SLITRK3: variants seen among roughly 807,000 people sequenced by gnomAD.
SLITRK3 encodes the protein SLIT and NTRK-like protein 3.
In SLITRK3, 16 loss-of-function variants were observed where a neutral mutation model predicts 63.6. The observed-to-expected ratio is 0.25, with a 90% CI of 0.17 to 0.38. The LOEUF (loss-of-function observed/expected upper bound fraction) is 0.38. Among genes scored for constraint, SLITRK3 ranks in the 10% least tolerant of loss-of-function variants. SLITRK3 has a pLI of 1.00. For missense variants in SLITRK3, 1,117 were observed against 1,181.4 expected, an observed-to-expected ratio of 0.95 and a Z score of 0.80; for synonymous variants, 547 against 451.6, an observed-to-expected ratio of 1.21 and a Z score of -2.68.
upstream of SLITRK3, chr3:165,196,897 G>GTCTCTCTCCCTCTCTCTCTCTC (rs71147105): frequency 1.1e-4 from 11 of 96,528 alleles, no homozygotes; most frequent in South Asian, 4.5e-4. Flanking sequence ...CTCTCTCTCT[G>GTCTCTCTCCCTCTCTCTCTCTC]TCTCTCTCTC....
Position 165,187,364 on chromosome 3 carries a change from C to G in SLITRK3, c.*533G>C, listed in dbSNP as rs369603972. ...AACATTCGAGCAAGACCCGCCCCCT[C>G]CCTCCCCATCTTGCAGTTTCCAGGC... On this transcript the variant is annotated 3_prime_UTR_variant, in exon 2 of 2. Transcript: ENST00000475390. 3 of 151,614 alleles carry G rather than the reference C, an allele frequency of 2.0e-5. No homozygotes were observed. The highest frequency in any genetic ancestry group is 7.3e-5 in the African/African-American group (3 of 41,038). The allele number at this position is 151,614 out of a possible 1,614,324, so 9.4% of individuals were successfully genotyped here.
Position 165,186,803 on chromosome 3 carries a change from T to G in SLITRK3, c.*1094A>C, listed in dbSNP as rs1717970296. 1 of 152,612 alleles carries G rather than the reference T, an allele frequency of 6.6e-6. No homozygotes were observed. The highest frequency in any genetic ancestry group is 2.1e-4 in the South Asian group (1 of 4,832). 9.5% of individuals were successfully genotyped at this position (152,612 alleles called of 1,614,324 possible). On this transcript the variant is annotated 3_prime_UTR_variant, in exon 2 of 2. Coordinates refer to ENST00000475390, the MANE Select transcript of SLITRK3 (RefSeq NM_001318810.2). ...AATGATTAAACATTACCTTTACAAT[T>G]TATAATCACTGAAATTACAGAATAA...
rs1560054510 is a variant in SLITRK3, at chr3:165,190,211, C to T, written c.620G>A (p.Arg207Lys). Reference sequence around the variant, plus strand: ...TCCTCGGTAAAAAAGAACCTTTAACCTATTTCCACGTAGGTCCAAATGGGT... The same window carrying T: ...TCCTCGGTAAAAAAGAACCTTTAACTTATTTCCACGTAGGTCCAAATGGGT... ...SLTHLDLRGN[R>K]LKVLFYRGML... The change falls in exon 2 of 2, where the codon AGG becomes AAG. Residue 207 changes from arginine to lysine, a missense_variant. Physicochemically the swap from Arg to Lys is conservative, Grantham distance 26 (BLOSUM62 2). Transcript: ENST00000475390. 1 of 1,614,194 alleles carries T rather than the reference C, an allele frequency of 6.2e-7. No individual in the cohort carries two copies. Among genetic ancestry groups the T allele is most frequent in the Non-Finnish European group, 8.5e-7 (1 of 1,180,028 alleles).
chr3:165,191,478 A>C (rs975185486), intron 1 of SLITRK3, among the ~76,000 whole-genome samples: 1 of 152,242 alleles, frequency 6.6e-6, no homozygotes, highest in Admixed American at 6.5e-5. Flanking sequence ...ATGCTTTATT[A>C]CAGTGTATAG....
rs1053615022 is a variant in SLITRK3, at chr3:165,187,396, C to T, written c.*501G>A. 1 of 151,060 alleles carries T rather than the reference C, an allele frequency of 6.6e-6. No individual in the cohort carries two copies. The highest frequency in any genetic ancestry group is 1.5e-5 in the Non-Finnish European group (1 of 67,828). 9.4% of individuals were successfully genotyped at this position (151,060 alleles called of 1,614,324 possible). Reference sequence around the variant, plus strand: ...CATCTTGCAGTTTCCAGGCATGCAGCAAACTGCATTGTTAATACATGTACA... The same window carrying T: ...CATCTTGCAGTTTCCAGGCATGCAGTAAACTGCATTGTTAATACATGTACA... On this transcript the variant is annotated 3_prime_UTR_variant, in exon 2 of 2. Coordinates refer to ENST00000475390, the MANE Select transcript of SLITRK3 (RefSeq NM_001318810.2).
chr3:165,188,809 G>A lies in SLITRK3; in HGVS notation c.2022C>T (p.Leu674=). 6.2e-7 allele frequency: 1 copy of A among 1,614,170 alleles called. No homozygotes were observed. The highest frequency in any genetic ancestry group is 2.2e-5 in the East Asian group (1 of 44,862). Residue 674 remains leucine, a synonymous_variant, in exon 2 of 2, where the codon CTC becomes CTT. Transcript: ENST00000475390. ...FFSAVFVAAG[L]FAYVLRRRRK... ...GACGCCTTCGGAGCACGTAGGCAAA[G>A]AGGCCTGCAGCAACAAAGACTGCTG...
chr3:165,191,938 A>T (rs946039611), intron 1 of SLITRK3, among the ~76,000 whole-genome samples: 1 of 152,232 alleles, frequency 6.6e-6, no homozygotes, highest in South Asian at 2.1e-4. Context: ...CACTATTCTG[A>T]TAACAGTCTT....
intron 1 of SLITRK3, among the ~76,000 whole-genome samples, chr3:165,194,714 A>T (rs1022534354): frequency 6.6e-6 from 1 of 152,112 alleles, no homozygotes; most frequent in African/African-American, 2.4e-5. Flanking sequence ...GATGGAATCG[A>T]TGGGTAACCC....
intron 1 of SLITRK3, among the ~76,000 whole-genome samples, chr3:165,194,679 C>T (rs1204631376): frequency 1.3e-5 from 2 of 151,190 alleles, no homozygotes; most frequent in Non-Finnish European, 3.0e-5. Context: ...GACTATTTAT[C>T]GGGTGTTATC....
In SLITRK3 at chr3:165,187,896, G is replaced by T. The variant is rs1236794560; in HGVS notation, c.*1C>A. 4 of 1,595,558 alleles carry T rather than the reference G, an allele frequency of 2.5e-6. No individual in the cohort carries two copies. The highest frequency in any genetic ancestry group is 8.5e-7 in the Non-Finnish European group (1 of 1,171,866). ...AGCACTAATATATTTTCTTCTCTCTGTTAGAACCTGTATGTTGTCTTCTCC... is the reference window on the plus strand; with the variant it reads ...AGCACTAATATATTTTCTTCTCTCTTTTAGAACCTGTATGTTGTCTTCTCC... On this transcript the variant is annotated 3_prime_UTR_variant, in exon 2 of 2. Coordinates refer to ENST00000475390, the MANE Select transcript of SLITRK3 (RefSeq NM_001318810.2).
intron 1 of SLITRK3, among the ~76,000 whole-genome samples, chr3:165,194,525 T>TA (rs1315546007): frequency 6.6e-6 from 1 of 152,122 alleles, no homozygotes; most frequent in African/African-American, 2.4e-5. Flanking sequence ...ATTGCTCCCA[T>TA]AGGTCTTAGC....
At position 165,188,671 on chromosome 3, in the gene SLITRK3, C is replaced by A. The variant is rs777446974; in HGVS notation, c.2160G>T (p.Gly720=). 2 of 1,613,908 alleles carry A rather than the reference C, an allele frequency of 1.2e-6. No homozygotes were observed. Among genetic ancestry groups the A allele is most frequent in the Non-Finnish European group, 1.7e-6 (2 of 1,180,000 alleles). The change falls in exon 2 of 2, where the codon GGG becomes GGT. Residue 720 remains glycine (G), a synonymous_variant. Coordinates refer to ENST00000475390, the MANE Select transcript of SLITRK3 (RefSeq NM_001318810.2). ...AGGAAAGAGTTGGTCGACCACCACC[C>A]CCACTTCCGCCACCACCACCTCCAC... ...EDGGGGGGGS[G]GGGRPTLSSP... is the part of the protein sequence containing the mutation.
Position 165,189,306 on chromosome 3 carries a change from G to A in SLITRK3, c.1525C>T (p.Leu509=), listed in dbSNP as rs774329745. 6.8e-6 allele frequency: 11 copies of A among 1,614,086 alleles called. No individual in the cohort carries two copies. Among genetic ancestry groups the A allele is most frequent in the African/African-American group, 5.3e-5 (4 of 74,938 alleles). ...AFSLMPNLKL[L]FLNNNLLRTL... is the part of the protein sequence containing the mutation. ...CTCAGTAAGTTATTATTGAGGAATA[G>A]CAGCTTCAAGTTGGGCATGAGGCTG... is the stretch of plus-strand genomic sequence containing the variant. The change falls in exon 2 of 2, where the codon CTA becomes TTA. Residue 509 remains leucine, a synonymous_variant. Coordinates refer to ENST00000475390, the MANE Select transcript of SLITRK3 (RefSeq NM_001318810.2). This position sits in a 1 kb window ranked among gnomAD's most constrained non-coding sequence, Gnocchi z 4.0.
Position 165,189,974 on chromosome 3 carries a change from T to G in SLITRK3, c.857A>C (p.Asp286Ala). Residue 286 changes from aspartate to alanine, a missense_variant, in exon 2 of 2, where the codon GAC (aspartate) becomes GCC (alanine). Asp to Ala is a moderately radical substitution (Grantham distance 126). Around this residue, in one of 4 missense-constraint regions of SLITRK3, gnomAD observed 452 missense variants for 495.3 expected, o/e 0.91. Coordinates refer to ENST00000475390, the MANE Select transcript of SLITRK3 (RefSeq NM_001318810.2). This position sits in a 1 kb window ranked among gnomAD's most constrained non-coding sequence, Gnocchi z 4.0. Reference protein sequence around the residue: ...RKTELCPLLSDSEVEASLGIP... With the variant: ...RKTELCPLLSASEVEASLGIP... ...TCCCAAACTAGCCTCTACCTCAGAG[T>G]CAGACAACAAGGGACAGAGTTCTGT... 1 of 1,614,082 alleles carries G rather than the reference T, an allele frequency of 6.2e-7. No individual in the cohort carries two copies. The highest frequency in any genetic ancestry group is 8.5e-7 in the Non-Finnish European group (1 of 1,180,026).
rs527763383 is a variant in SLITRK3, at chr3:165,193,163, G to A, written c.-21-2312C>T. ...TGTAGGGAAAAGAAGTAGAGGGGTA[G>A]AGAACACAAATTGGCAAAATAAGAA... On this transcript the variant is annotated intron_variant, in intron 1 of 1. Transcript: ENST00000475390. 2.7e-5 allele frequency among the ~76,000 whole-genome samples: 4 copies of A among 146,732 alleles called. No individual in the cohort carries two copies. In the Admixed American group the frequency reaches 2.8e-4, roughly 10 times the overall value.
chr3:165,188,089 G>C lies in SLITRK3; in HGVS notation c.2742C>G (p.His914Gln), dbSNP rs777935433. The change falls in exon 2 of 2, where the codon CAC (histidine) becomes CAG (glutamine). Residue 914 changes from histidine (H) to glutamine (Q), a missense_variant. This residue lies in a region of SLITRK3 where 499 missense variants were observed against 463.6 expected (regional missense o/e 1.08). Coordinates refer to ENST00000475390, the MANE Select transcript of SLITRK3 (RefSeq NM_001318810.2). ...GGTATTGCATGCCAGGAGGGTGCAC[G>C]TGCAGTTCCTTTAATTTGGGCACTG... ...YGTVPKLKELHVHPPGMQYPD... is the reference protein window; with the variant it reads ...YGTVPKLKELQVHPPGMQYPD... 3.7e-6 allele frequency: 6 copies of C among 1,613,698 alleles called. No individual in the cohort carries two copies. Among genetic ancestry groups the C allele is most frequent in the Non-Finnish European group, 5.1e-6 (6 of 1,179,944 alleles).
In SLITRK3 at chr3:165,187,895, T is replaced by G; in HGVS notation, c.*2A>C. 6.3e-7 allele frequency: 1 copy of G among 1,586,386 alleles called. No homozygotes were observed. Among genetic ancestry groups the G allele is most frequent in the Non-Finnish European group, 8.5e-7 (1 of 1,169,682 alleles). On this transcript the variant is annotated 3_prime_UTR_variant, in exon 2 of 2. Coordinates refer to ENST00000475390, the MANE Select transcript of SLITRK3 (RefSeq NM_001318810.2). ...AAGCACTAATATATTTTCTTCTCTCTGTTAGAACCTGTATGTTGTCTTCTC... is the reference window on the plus strand; with the variant it reads ...AAGCACTAATATATTTTCTTCTCTCGGTTAGAACCTGTATGTTGTCTTCTC...
upstream of SLITRK3, chr3:165,196,897 GTCTCTC>G (rs1175637927): frequency 5.4e-4 from 52 of 96,528 alleles, 1 homozygote; most frequent in African/African-American, 1.6e-3. Context: ...CTCTCTCTCT[GTCTCTC>G]TCTCTCTCTC....
In SLITRK3 at chr3:165,188,801, T is replaced by G. The variant is rs149449605; in HGVS notation, c.2030A>C (p.Tyr677Ser). The change falls in exon 2 of 2, where the codon TAC (tyrosine) becomes TCC (serine). Residue 677 changes from tyrosine (Y) to serine (S), a missense_variant. Transcript: ENST00000475390. ...CTTCTTTCGACGCCTTCGGAGCACGTAGGCAAAGAGGCCTGCAGCAACAAA... is the reference window on the plus strand; with the variant it reads ...CTTCTTTCGACGCCTTCGGAGCACGGAGGCAAAGAGGCCTGCAGCAACAAA... ...AVFVAAGLFA[Y>S]VLRRRRKKLP... The G allele has an allele frequency of 6.2e-7, 1 of 1,614,004 alleles. No individual in the cohort carries two copies. The highest frequency in any genetic ancestry group is 1.3e-5 in the African/African-American group (1 of 74,910).
Sources: gnomAD v4.1 joint callset for allele counts (sites outside exome capture counted in the v4.1 genomes callset) on GRCh38, gnomAD v4.1.1 for gene constraint, gnomAD v4.1.1 regional missense constraint, Gnocchi (gnomAD v3.1) non-coding constraint, MANE v1.5 for transcripts, NCBI Gene and HGNC (gene_info 2026-07-23, HGNC 2026-07-21) for gene names.